The following IGSF10 variants were observed in gnomAD, a reference collection of about 807,000 sequenced individuals.
IGSF10 encodes the protein immunoglobulin superfamily member 10.
In IGSF10, 126 loss-of-function variants were observed where a neutral mutation model predicts 128.2. The observed-to-expected ratio is 0.98, with a 90% CI of 0.85 to 1.14. The LOEUF is 1.14. Among genes scored for constraint, IGSF10 ranks in the 50% most tolerant of loss-of-function variants. IGSF10 has a pLI of 0.00. For synonymous variants in IGSF10, 1,185 were observed against 1,146.2 expected (o/e 1.03, Z -0.68); for missense variants, 3,295 against 3,149.8 (o/e 1.05, Z -1.10).
the IGSF10 span, among the ~76,000 whole-genome samples, chr3:151,604,730 T>A: frequency 1.2e-4 from 19 of 152,212 alleles, no homozygotes; most frequent in South Asian, 3.9e-3. Flanking sequence ...ATGCTCCTCT[T>A]GGCTTTAGAC....
chr3:151,446,402 T>C lies in IGSF10; in HGVS notation c.3579A>G (p.Ile1193Met). The change falls in exon 6 of 8, where the codon ATA becomes ATG. Residue 1193 changes from isoleucine (I) to methionine (M), a missense_variant. Ile to Met is a conservative substitution (Grantham distance 10). Transcript: ENST00000282466. Reference sequence around the variant, plus strand: ...TCCTTCTTGAAAACCTTGTAATGGCTATAATAGTCATTGGTGGCTTGGTGA... The same window carrying C: ...TCCTTCTTGAAAACCTTGTAATGGCCATAATAGTCATTGGTGGCTTGGTGA... ...GAITKPPMTIIAITRFSRRKI... is the reference protein window; with the variant it reads ...GAITKPPMTIMAITRFSRRKI... 6.2e-7 allele frequency: 1 copy of C among 1,614,090 alleles called. No homozygotes were observed.
chr3:151,557,141 G>GA, the IGSF10 span, among the ~76,000 whole-genome samples: 2 of 152,092 alleles, frequency 1.3e-5, no homozygotes, highest in Admixed American at 1.3e-4. Flanking sequence ...AGGTTAACAG[G>GA]AAAAAAGCTA....
At chr3:151,608,196 T>G in the IGSF10 span, among the ~76,000 whole-genome samples, 1 of 152,150 alleles carries the variant, frequency 6.6e-6, no homozygotes, top group African/African-American at 2.4e-5. Flanking sequence ...TGTAAGTAAA[T>G]TAGCATATCT....
At chr3:151,562,254 C>T in the IGSF10 span, among the ~76,000 whole-genome samples, 4 of 152,098 alleles carry the variant, frequency 2.6e-5, no homozygotes, top group Non-Finnish European at 4.4e-5. Flanking sequence ...TTTACAAATG[C>T]CACAGCAATG....
chr3:151,610,859 T>C, the IGSF10 span, among the ~76,000 whole-genome samples: 45 of 152,308 alleles, frequency 3.0e-4, no homozygotes, highest in Non-Finnish European at 3.5e-4. Flanking sequence ...ACTCCTGAGA[T>C]AACTAATCTA....
chr3:151,533,203 A>C, the IGSF10 span, among the ~76,000 whole-genome samples: 2 of 152,262 alleles, frequency 1.3e-5, no homozygotes, highest in African/African-American at 4.8e-5. Context: ...CATGGATAGG[A>C]AGAATCAAAA....
At chr3:151,439,961 A>G (rs1489536849) in intron 7 of IGSF10, among the ~76,000 whole-genome samples, 1 of 152,168 alleles carries the variant, frequency 6.6e-6, no homozygotes. Context: ...GAAAGTAAAA[A>G]CTGTTTTCAT....
Position 151,437,187 on chromosome 3 carries a change from T to G in IGSF10, c.7374A>C (p.Gly2458=). The G allele has an allele frequency of 6.2e-7, 1 of 1,614,230 alleles. No individual in the cohort carries two copies. The highest frequency in any genetic ancestry group is 8.5e-7 in the Non-Finnish European group (1 of 1,180,028). ...ESLSLHCVSD[G]IPKPNIKWTM... is the part of the protein sequence containing the mutation. Reference sequence around the variant, plus strand: ...TCCATTTGATATTTGGCTTAGGGATTCCATCAGACACACAATGCAGTGATA... The same window carrying G: ...TCCATTTGATATTTGGCTTAGGGATGCCATCAGACACACAATGCAGTGATA... The change falls in exon 8 of 8, where the codon GGA becomes GGC. Residue 2458 remains glycine (G), a synonymous_variant. Coordinates refer to ENST00000282466, the MANE Select transcript of IGSF10 (RefSeq NM_178822.5).
chr3:151,592,390 A>G, the IGSF10 span, among the ~76,000 whole-genome samples: 2 of 152,172 alleles, frequency 1.3e-5, no homozygotes, highest in African/African-American at 4.8e-5. Flanking sequence ...AGCTCCTGAC[A>G]GAGACAAAGG....
At chr3:151,494,062 T>G in the IGSF10 span, among the ~76,000 whole-genome samples, 2 of 152,056 alleles carry the variant, frequency 1.3e-5, no homozygotes, top group African/African-American at 2.4e-5. Flanking sequence ...AATAAATACA[T>G]TCCGGAAGAG....
chr3:151,458,246 A>G (rs142370534), intron 3 of IGSF10, among the ~76,000 whole-genome samples: 1 of 152,116 alleles, frequency 6.6e-6, no homozygotes, highest in Non-Finnish European at 1.5e-5. Context: ...TCCAGCAAAA[A>G]TGTAGCCAGA....
chr3:151,606,094 G>A, the IGSF10 span, among the ~76,000 whole-genome samples: 1 of 152,116 alleles, frequency 6.6e-6, no homozygotes, highest in East Asian at 1.9e-4. Context: ...AGAGAGGGTG[G>A]GCTCCTTATT....
chr3:151,592,440 GGTTTGCATCAGTTCCCTT>G, the IGSF10 span, among the ~76,000 whole-genome samples: 2,459 of 152,302 alleles, frequency 0.016, 22 homozygotes, highest in South Asian at 0.025. Flanking sequence ...ATGTGCATCA[GGTTTGCATCAGTTCCCTT>G]GTCCTCCAAG....
the IGSF10 span, among the ~76,000 whole-genome samples, chr3:151,472,774 T>C: frequency 6.6e-6 from 1 of 152,130 alleles, no homozygotes; most frequent in African/African-American, 2.4e-5. Flanking sequence ...CTTTTTGAGA[T>C]CCACTAACTG....
the IGSF10 span, among the ~76,000 whole-genome samples, chr3:151,512,536 C>T: frequency 6.6e-6 from 1 of 152,068 alleles, no homozygotes; most frequent in Admixed American, 6.5e-5. Flanking sequence ...GACACCCTAA[C>T]ATCACAATTA....
chr3:151,438,863 T>TAGAG (rs139777315), intron 7 of IGSF10, among the ~76,000 whole-genome samples: 150 of 131,106 alleles, frequency 1.1e-3, no homozygotes, highest in South Asian at 7.3e-3. Context: ...TATATATATA[T>TAGAG]ATAGAGAGAG....
the IGSF10 span, among the ~76,000 whole-genome samples, chr3:151,587,288 T>G: frequency 6.6e-6 from 1 of 152,200 alleles, no homozygotes; most frequent in Admixed American, 6.5e-5. Flanking sequence ...ACACAGAGAA[T>G]TCACCTCTGA....
chr3:151,552,090 G>T, the IGSF10 span, among the ~76,000 whole-genome samples: 1 of 152,066 alleles, frequency 6.6e-6, no homozygotes, highest in African/African-American at 2.4e-5. Context: ...CTTCCCCCTT[G>T]CTGTTCTTGT....
At chr3:151,614,462 ACATATATAC>A in the IGSF10 span, among the ~76,000 whole-genome samples, 1 of 152,248 alleles carries the variant, frequency 6.6e-6, no homozygotes, top group African/African-American at 2.4e-5. Flanking sequence ...AAAATGTGGC[ACATATATAC>A]CATGGGATAC....
Sources: allele counts gnomAD v4.1 joint callset (sites outside exome capture counted in the v4.1 genomes callset), GRCh38; gene constraint gnomAD v4.1.1; transcripts MANE v1.5; gene names NCBI Gene and HGNC (gene_info 2026-07-23, HGNC 2026-07-21).